Variants in TUBGCP2 observed in about 807,000 individuals in gnomAD.
TUBGCP2 encodes the protein tubulin gamma complex component 2.
In TUBGCP2, 55 loss-of-function variants were observed where a neutral mutation model predicts 92.2. The ratio of observed to expected loss-of-function variants is 0.60; its 90% CI spans 0.48 to 0.75. The LOEUF is 0.75. Among genes scored for constraint, TUBGCP2 ranks in the 30% least tolerant of loss-of-function variants. The pLI, the probability that TUBGCP2 is intolerant of heterozygous loss-of-function variation, is 0.00. For synonymous variants in TUBGCP2, 533 were observed against 505.2 expected, an observed-to-expected ratio of 1.06 and a Z score of -0.74; for missense variants, 1,093 against 1,188.9, an observed-to-expected ratio of 0.92 and a Z score of 1.19.
intron 5 of TUBGCP2, among the ~76,000 whole-genome samples, chr10:133,297,053 G>A (rs1364769746): frequency 6.6e-6 from 1 of 152,170 alleles, no homozygotes; most frequent in African/African-American, 2.4e-5. Flanking sequence ...CGGGGATGGG[G>A]CAAGATAAGC....
rs1216718924 is a variant in TUBGCP2 at position 133,281,352 on chromosome 10, G to A, written c.2494C>T (p.His832Tyr). The change falls in exon 17 of 18, where the codon CAC (histidine) becomes TAC (tyrosine). Residue 832 changes from histidine (H) to tyrosine (Y), a missense_variant. Physicochemically the swap from His to Tyr is moderately conservative, Grantham distance 83. Transcript: ENST00000252936. ...INKFDKNFSA[H>Y]LLDLLARLSI... ...AGCCGGGCCAGGAGGTCCAGCAGGT[G>A]GGCTGAGAAGTTCTTGTCAAACTTG... 1 of 1,613,852 alleles carries A rather than the reference G, an allele frequency of 6.2e-7. No homozygotes were observed. The highest frequency in any genetic ancestry group is 8.5e-7 in the Non-Finnish European group (1 of 1,180,010).
In TUBGCP2 at chr10:133,299,494, G is replaced by A. The variant is rs1350404285; in HGVS notation, c.389C>T (p.Ser130Phe). ...INVPAAASKI[S>F]MQELEELRKQ... ...CCTCAGTTCCTCAAGCTCCTGCATGGAGATCTTGGAGGCCGCGGCAGGGAC... is the reference window on the plus strand; with the variant it reads ...CCTCAGTTCCTCAAGCTCCTGCATGAAGATCTTGGAGGCCGCGGCAGGGAC... Residue 130 changes from serine to phenylalanine, a missense_variant, in exon 4 of 18, where the codon TCC becomes TTC. Coordinates refer to ENST00000252936, the MANE Select transcript of TUBGCP2 (RefSeq NM_006659.4). The A allele has an allele frequency of 1.9e-6, 3 of 1,613,154 alleles. No individual in the cohort carries two copies. The African/African-American group carries it at 4.0e-5, about 22-fold the overall frequency.
In TUBGCP2 at chr10:133,289,055, C is replaced by A. The variant is rs1422045416; in HGVS notation, c.1361-35G>T. 4 of 1,592,660 alleles carry A rather than the reference C, an allele frequency of 2.5e-6. No individual in the cohort carries two copies. The Admixed American group carries it at 6.8e-5, about 27-fold the overall frequency. On this transcript the variant is annotated intron_variant, in intron 9 of 17. Transcript: ENST00000252936. ...CAGAAATTCAAAATTTTATTCTCCA[C>A]ATGGTCGATCTCAGGCCCCAGCTGT...
At chr10:133,305,313 G>A (rs188757125) in intron 1 of TUBGCP2, among the ~76,000 whole-genome samples, 64 of 152,332 alleles carry the variant, frequency 4.2e-4, no homozygotes, top group Admixed American at 2.1e-3. Flanking sequence ...CCTCGGCTAC[G>A]TAACAGGGAA....
chr10:133,281,515 C>A, intron 16 of TUBGCP2, 79 bp from the exon 17 acceptor site: 1 of 1,522,496 alleles, frequency 6.6e-7, no homozygotes, highest in South Asian at 1.2e-5. Context: ...TCCCAGCAGG[C>A]CGGTGTCCTT....
upstream of TUBGCP2, chr10:133,310,396 C>G: frequency 7.1e-7 from 1 of 1,401,098 alleles, no homozygotes; most frequent in Non-Finnish European, 9.7e-7. Flanking sequence ...TGTGTGTCAC[C>G]TAATGGGGTG....
chr10:133,285,695 C>T lies in TUBGCP2; in HGVS notation c.1723-67G>A, dbSNP rs142867290. ...AAAAGACCCGAAGTCGCATCCCGAT[C>T]GCCATCCTCGCTCACAGACCCAGCG... On this transcript the variant is annotated intron_variant, in intron 11 of 17. Coordinates refer to ENST00000252936, the MANE Select transcript of TUBGCP2 (RefSeq NM_006659.4). This position sits in a 1 kb window ranked among gnomAD's most constrained non-coding sequence, Gnocchi z 6.8. 1.2e-4 allele frequency: 176 copies of T among 1,422,122 alleles called. No homozygotes were observed. The East Asian group carries it at 2.4e-3, about 19-fold the overall frequency. 88.1% of individuals were successfully genotyped at this position (1,422,122 alleles called of 1,614,324 possible).
chr10:133,281,312 G>C lies in TUBGCP2; in HGVS notation c.2534C>G (p.Thr845Ser), dbSNP rs1170341253. The change falls in exon 17 of 18, where the codon ACC becomes AGC. Residue 845 changes from threonine (T) to serine (S), a missense_variant. By Grantham distance (58) the Thr-to-Ser change is moderately conservative. Around this residue, in one of 3 missense-constraint regions of TUBGCP2, gnomAD observed 598 missense variants for 675.5 expected, o/e 0.89. Transcript: ENST00000252936. ...DLLARLSIYS[T>S]SDCEHGMASV... ...GGCCATGCCGTGCTCACAGTCACTG[G>C]TGCTATAGATGCTCAGCCGGGCCAG... 6.2e-7 allele frequency: 1 copy of C among 1,612,936 alleles called. No individual in the cohort carries two copies. The highest frequency in any genetic ancestry group is 8.5e-7 in the Non-Finnish European group (1 of 1,179,980).
chr10:133,290,117 A>C, intron 8 of TUBGCP2, 148 bp from the exon 9 acceptor site: 2 of 1,159,800 alleles, frequency 1.7e-6, no homozygotes, highest in Non-Finnish European at 2.4e-6. Context: ...CTAATCTACC[A>C]GTTACTTCTC....
intron 1 of TUBGCP2, among the ~76,000 whole-genome samples, chr10:133,303,621 T>A (rs1384284741): frequency 1.3e-5 from 2 of 152,184 alleles, no homozygotes; most frequent in Non-Finnish European, 2.9e-5. Context: ...CATCCCAGCT[T>A]CTACCGGAGA....
intron 1 of TUBGCP2, among the ~76,000 whole-genome samples, chr10:133,306,487 T>TA (rs1428919929): frequency 6.6e-6 from 1 of 152,098 alleles, no homozygotes; most frequent in Non-Finnish European, 1.5e-5. Context: ...ATCATCTGAG[T>TA]ATTTATTTAA....
At position 133,284,117 on chromosome 10, in the gene TUBGCP2, T is replaced by C. The variant is rs964725835; in HGVS notation, c.2025-115A>G. On this transcript the variant is annotated intron_variant, in intron 13 of 17. Coordinates refer to ENST00000252936, the MANE Select transcript of TUBGCP2 (RefSeq NM_006659.4). ...GAGGACGTTCTCTGGACGTGGCTAT[T>C]TCCTCTGCAGAGCAAGCGCCCCTCC... 2.0e-6 allele frequency: 3 copies of C among 1,492,016 alleles called. No individual in the cohort carries two copies. The African/African-American group carries it at 4.2e-5, about 21-fold the overall frequency. 92.4% of individuals were successfully genotyped at this position (1,492,016 alleles called of 1,614,324 possible). A position where few individuals can be genotyped will look rare whatever the true frequency, so the allele number is the denominator to read the frequency against.
At chr10:133,291,348 T>C (rs1317307881) in intron 8 of TUBGCP2, among the ~76,000 whole-genome samples, 1 of 1,238 alleles carries the variant, frequency 8.1e-4, no homozygotes, top group Non-Finnish European at 1.1e-3. Context: ...GTGTCCCCCA[T>C]GTCCCTCCGT....
chr10:133,288,970 C>A lies in TUBGCP2; in HGVS notation c.1411G>T (p.Val471Leu). 1 of 1,614,148 alleles carries A rather than the reference C, an allele frequency of 6.2e-7. No individual in the cohort carries two copies. The highest frequency in any genetic ancestry group is 8.5e-7 in the Non-Finnish European group (1 of 1,179,994). The change falls in exon 10 of 18, where the codon GTG becomes TTG. Residue 471 changes from valine to leucine, a missense_variant. Coordinates refer to ENST00000252936, the MANE Select transcript of TUBGCP2 (RefSeq NM_006659.4). The part of the protein sequence containing the change: ...RECGHDVTCP[V>L]AKEIIYTLKE... ...AACGTGTAGATGATCTCTTTAGCCACCGGGCAGGTGACGTCATGGCCACAC... is the reference window on the plus strand; with the variant it reads ...AACGTGTAGATGATCTCTTTAGCCAACGGGCAGGTGACGTCATGGCCACAC...
At position 133,279,804 on chromosome 10, in the gene TUBGCP2, G is replaced by A. The variant is rs764650328; in HGVS notation, c.2671C>T (p.Pro891Ser). 4 of 1,575,886 alleles carry A rather than the reference G, an allele frequency of 2.5e-6. No individual in the cohort carries two copies. The highest frequency in any genetic ancestry group is 4.7e-5 in the East Asian group (2 of 42,418). The change falls in exon 18 of 18, where the codon CCG (proline) becomes TCG (serine). Residue 891 changes from proline (P) to serine (S), a missense_variant. Coordinates refer to ENST00000252936, the MANE Select transcript of TUBGCP2 (RefSeq NM_006659.4). Reference protein sequence around the residue: ...TPQVPVLRGPPAPAPRVAVTA... With the variant: ...TPQVPVLRGPSAPAPRVAVTA... ...ACTGCGACCCTGGGTGCAGGAGCCG[G>A]GGGCCCCCGCAGGACAGGCACTTGG...
At chr10:133,302,563 T>A in intron 2 of TUBGCP2, 1 of 511,254 alleles carries the variant, frequency 2.0e-6, no homozygotes, top group South Asian at 2.3e-5. Flanking sequence ...GACTGAGGGG[T>A]GGGTTCACCC....
intron 13 of TUBGCP2, among the ~76,000 whole-genome samples, chr10:133,284,414 G>A (rs1847076674): frequency 6.6e-6 from 1 of 152,204 alleles, no homozygotes; most frequent in East Asian, 1.9e-4. Context: ...TCAGACTGCA[G>A]TGCAGTGGCA....
chr10:133,291,147 C>T, intron 8 of TUBGCP2: 1 of 362,896 alleles, frequency 2.8e-6, no homozygotes, highest in South Asian at 4.6e-5. Context: ...CCCTGGGCCC[C>T]ATGGGCAGCA....
intron 14 of TUBGCP2, 126 bp from the exon 15 acceptor site, chr10:133,283,347 T>A (rs1262737890): frequency 1.5e-6 from 2 of 1,374,190 alleles, no homozygotes; most frequent in African/African-American, 1.5e-5. Flanking sequence ...AAATGGGCCT[T>A]GGGCTTTTAG....
Sources: gnomAD v4.1 joint callset for allele counts (sites outside exome capture counted in the v4.1 genomes callset) on GRCh38, gnomAD v4.1.1 for gene constraint, gnomAD v4.1.1 regional missense constraint, Gnocchi (gnomAD v3.1) non-coding constraint, MANE v1.5 for transcripts, NCBI Gene and HGNC (gene_info 2026-07-23, HGNC 2026-07-21) for gene names.